Variants in TRAF2 observed in about 807,000 individuals in gnomAD.
TRAF2 encodes the protein TNF receptor-associated factor 2.
TRAF2 carries 6 observed loss-of-function variants against 55.6 expected under a neutral mutation model. The observed-to-expected ratio is 0.11, with a 90% CI of 0.06 to 0.21. The LOEUF (loss-of-function observed/expected upper bound fraction) is 0.21. TRAF2 is among the 10% of genes least tolerant of loss of function. The pLI is 1.00. For missense variants in TRAF2, 561 were observed against 684.5 expected (o/e 0.82, Z 2.01); for synonymous variants, 329 against 276.3 (o/e 1.19, Z -1.89).
chr9:136,893,717 T>C (rs1849625511), intron 1 of TRAF2, among the ~76,000 whole-genome samples: 1 of 152,154 alleles, frequency 6.6e-6, no homozygotes, highest in Non-Finnish European at 1.5e-5. Flanking sequence ...AAGCACCTCC[T>C]ATTTGGGGTC....
At chr9:136,905,608 C>A (rs910975387) in intron 4 of TRAF2, among the ~76,000 whole-genome samples, 4 of 152,192 alleles carry the variant, frequency 2.6e-5, no homozygotes, top group Admixed American at 1.3e-4. Flanking sequence ...TTATGTTTAT[C>A]ATGATTGAAG....
chr9:136,926,040 G>A lies in TRAF2; in HGVS notation c.*139G>A. 9.5e-7 allele frequency: 1 copy of A among 1,051,822 alleles called. No homozygotes were observed. The highest frequency in any genetic ancestry group is 1.5e-6 in the Non-Finnish European group (1 of 687,144). The allele number at this position is 1,051,822 out of a possible 1,614,324, so 65.2% of individuals were successfully genotyped here. A position where few individuals can be genotyped will look rare whatever the true frequency, so the allele number is the denominator to read the frequency against. ...GCGCTTGGGAGGGTGTCGGCCTGCA[G>A]CCAAGTTCACTGTCACGGGGGAAGG... On this transcript the variant is annotated 3_prime_UTR_variant, in exon 11 of 11. Transcript: ENST00000247668.
At chr9:136,912,826 G>C (rs1049183124) in intron 6 of TRAF2, among the ~76,000 whole-genome samples, 1 of 152,032 alleles carries the variant, frequency 6.6e-6, no homozygotes, top group Admixed American at 6.5e-5. Flanking sequence ...GACAGAGTGA[G>C]AGCCTGTCTA....
intron 1 of TRAF2, among the ~76,000 whole-genome samples, chr9:136,889,118 C>T (rs1171707284): frequency 1.3e-5 from 2 of 152,176 alleles, no homozygotes; most frequent in Non-Finnish European, 2.9e-5. Flanking sequence ...ACCTCGGCCT[C>T]CCAGAGTGCT....
Position 136,925,817 on chromosome 9 carries a change from C to G in TRAF2, c.1422C>G (p.Pro474=), listed in dbSNP as rs201565826. Residue 474 remains proline, a synonymous_variant, in exon 11 of 11, where the codon CCC becomes CCG. Transcript: ENST00000247668. ...NIASGCPLFC[P]VSKMEAKNSY... is the part of the protein sequence containing the mutation. ...CAAGCGGCTGCCCCCTCTTCTGCCC[C>G]GTCTCCAAGATGGAGGCAAAGAATT... is the stretch of plus-strand genomic sequence containing the variant. The G allele has an allele frequency of 1.2e-6, 2 of 1,614,122 alleles. No individual in the cohort carries two copies. The highest frequency in any genetic ancestry group is 8.5e-7 in the Non-Finnish European group (1 of 1,180,050).
intron 1 of TRAF2, among the ~76,000 whole-genome samples, chr9:136,887,909 GC>G (rs1007134732): frequency 6.6e-6 from 1 of 151,976 alleles, no homozygotes; most frequent in African/African-American, 2.4e-5. Context: ...TGGTCTTGTT[GC>G]CCAGGCTGGA....
chr9:136,913,330 C>T (rs965736130), intron 6 of TRAF2, among the ~76,000 whole-genome samples: 28 of 106,382 alleles, frequency 2.6e-4, no homozygotes, highest in African/African-American at 1.0e-3. Context: ...GATGGAGTCT[C>T]TCTGCCGCCC....
chr9:136,902,245 C>T (rs537907363), intron 4 of TRAF2: 3 of 152,502 alleles, frequency 2.0e-5, no homozygotes, highest in African/African-American at 7.2e-5. Context: ...TGGTCATTGC[C>T]CAGTGCTGTC....
intron 1 of TRAF2, among the ~76,000 whole-genome samples, chr9:136,887,884 T>A (rs1849489651): frequency 6.6e-6 from 1 of 152,106 alleles, no homozygotes; most frequent in Non-Finnish European, 1.5e-5. Context: ...ATTTATTTAT[T>A]TTTTGAGATA....
At chr9:136,925,583 A>G in intron 10 of TRAF2, 100 bp from the exon 11 acceptor site, 1 of 1,244,206 alleles carries the variant, frequency 8.0e-7, no homozygotes, top group Non-Finnish European at 1.1e-6. Context: ...GGGTCCTGGG[A>G]TGGCCTCCTG....
intron 1 of TRAF2, among the ~76,000 whole-genome samples, chr9:136,887,177 G>A (rs1849472639): frequency 1.3e-5 from 2 of 152,230 alleles, no homozygotes; most frequent in South Asian, 4.1e-4. Context: ...AGGAGCCAGT[G>A]CGGGGATGGG....
At chr9:136,885,224 G>A (rs1564400616), upstream of TRAF2, among the ~76,000 whole-genome samples, 1 of 152,206 alleles carries the variant, frequency 6.6e-6, no homozygotes, top group African/African-American at 2.4e-5. Context: ...AGCCTGCCCT[G>A]TTTTGCAGTG....
chr9:136,917,687 A>C (rs1850274659), intron 7 of TRAF2, among the ~76,000 whole-genome samples: 1 of 152,098 alleles, frequency 6.6e-6, no homozygotes, highest in Non-Finnish European at 1.5e-5. Flanking sequence ...TGCTGACTTG[A>C]TTCTATGTGG....
chr9:136,882,016 G>T (rs750757214), upstream of TRAF2: 5 of 985,206 alleles, frequency 5.1e-6, no homozygotes, highest in Non-Finnish European at 6.0e-6. Context: ...GTGAGCAAGT[G>T]GACTGCGGCT....
At chr9:136,882,071 G>C (rs1849381498), upstream of TRAF2, 1 of 984,534 alleles carries the variant, frequency 1.0e-6, no homozygotes, top group Middle Eastern at 5.2e-4. Flanking sequence ...AGGCACACAA[G>C]GGTCCCTTGT....
intron 4 of TRAF2, among the ~76,000 whole-genome samples, chr9:136,903,483 A>G (rs999384270): frequency 3.3e-5 from 5 of 152,054 alleles, no homozygotes; most frequent in African/African-American, 1.2e-4. Flanking sequence ...CAGAGGGATG[A>G]CGACTGTATT....
intron 7 of TRAF2, among the ~76,000 whole-genome samples, chr9:136,917,533 A>C (rs543660477): frequency 5.9e-5 from 9 of 152,280 alleles, no homozygotes; most frequent in African/African-American, 2.2e-4. Flanking sequence ...CTGGGCCCAG[A>C]GGTGGTCCCC....
At chr9:136,904,933 G>A (rs1588429898) in intron 4 of TRAF2, among the ~76,000 whole-genome samples, 1 of 152,202 alleles carries the variant, frequency 6.6e-6, no homozygotes, top group African/African-American at 2.4e-5. Context: ...CTTAGCTTGG[G>A]CCAGTGCCGC....
chr9:136,894,269 T>G (rs1166069172), intron 1 of TRAF2, among the ~76,000 whole-genome samples: 1 of 150,220 alleles, frequency 6.7e-6, no homozygotes. Context: ...ATGGTCTCGA[T>G]CTCTTGACCT....
Sources: allele counts gnomAD v4.1 joint callset (sites outside exome capture counted in the v4.1 genomes callset), GRCh38; gene constraint gnomAD v4.1.1; transcripts MANE v1.5; gene names NCBI Gene and HGNC (gene_info 2026-07-23, HGNC 2026-07-21).